Variants in LINGO2 observed in about 807,000 individuals in gnomAD.
LINGO2 encodes leucine-rich repeat and immunoglobulin-like domain-containing nogo receptor-interacting protein 2.
LINGO2 carries 14 observed loss-of-function variants against 30.6 expected under a neutral mutation model. That is an observed-to-expected ratio of 0.46 (90% CI 0.30 to 0.72). The LOEUF is 0.72. Ranked by LOEUF, LINGO2 falls within the 30% of genes least tolerant of loss-of-function variation. The probability of loss-of-function intolerance (pLI) is 0.07; values close to 1 mark genes in which losing one functional copy is unlikely to be tolerated. For missense variants in LINGO2, 729 were observed against 751.7 expected, an observed-to-expected ratio of 0.97 and a Z score of 0.35; for synonymous variants, 317 against 288.5, an observed-to-expected ratio of 1.10 and a Z score of -1.00.
the LINGO2 span, among the ~76,000 whole-genome samples, chr9:28,790,373 G>C: frequency 7.5e-6 from 1 of 133,046 alleles, no homozygotes; most frequent in Non-Finnish European, 1.5e-5. Flanking sequence ...CTGTGGCCCA[G>C]GCTGGAGTGC....
the LINGO2 span, among the ~76,000 whole-genome samples, chr9:28,766,084 A>G: frequency 6.6e-6 from 1 of 152,080 alleles, no homozygotes; most frequent in African/African-American, 2.4e-5. Flanking sequence ...AAAAGCAAAA[A>G]TAAACAAGTG....
the LINGO2 span, among the ~76,000 whole-genome samples, chr9:29,085,277 T>C: frequency 6.3e-5 from 2 of 31,668 alleles, no homozygotes; most frequent in Admixed American, 4.4e-4. Context: ...TAGCCTATGG[T>C]AAGTAAAAAA....
At chr9:28,859,026 T>C in the LINGO2 span, among the ~76,000 whole-genome samples, 1 of 152,072 alleles carries the variant, frequency 6.6e-6, no homozygotes, top group South Asian at 2.1e-4. Context: ...CATTCCTTTA[T>C]CTGTAAAATG....
intron 2 of LINGO2, among the ~76,000 whole-genome samples, chr9:28,415,125 C>A (rs1587639934): frequency 6.6e-6 from 1 of 152,012 alleles, no homozygotes. Flanking sequence ...GCACCAAAAT[C>A]ACTGATAATG....
At chr9:27,990,471 C>T (rs1330626305) in intron 5 of LINGO2, among the ~76,000 whole-genome samples, 1 of 77,800 alleles carries the variant, frequency 1.3e-5, no homozygotes, top group East Asian at 3.6e-4. Context: ...TACCCCCCCC[C>T]CTTTTATTTT....
intron 1 of LINGO2, among the ~76,000 whole-genome samples, chr9:28,593,109 A>C (rs915846551): frequency 6.6e-6 from 1 of 152,100 alleles, no homozygotes; most frequent in South Asian, 2.1e-4. Flanking sequence ...ATTAGACTTC[A>C]GCAAATCAAG....
At chr9:28,488,130 G>C (rs528885655) in intron 1 of LINGO2, among the ~76,000 whole-genome samples, 1 of 152,262 alleles carries the variant, frequency 6.6e-6, no homozygotes, top group South Asian at 2.1e-4. Context: ...CCCCATGGAG[G>C]TGATTTTGAG....
chr9:28,739,494 CA>C, the LINGO2 span, among the ~76,000 whole-genome samples: 1 of 151,626 alleles, frequency 6.6e-6, no homozygotes, highest in Non-Finnish European at 1.5e-5. Context: ...ATTAAAACAT[CA>C]AAACATGTAA....
At chr9:28,299,532 T>C (rs542997811) in intron 3 of LINGO2, among the ~76,000 whole-genome samples, 2 of 152,244 alleles carry the variant, frequency 1.3e-5, no homozygotes, top group African/African-American at 2.4e-5. Flanking sequence ...CTACCACTAA[T>C]ACTTGTAAAT....
At chr9:28,949,013 G>C in the LINGO2 span, among the ~76,000 whole-genome samples, 1 of 152,054 alleles carries the variant, frequency 6.6e-6, no homozygotes, top group East Asian at 1.9e-4. Flanking sequence ...TACAGACTTT[G>C]AACAATGAAA....
At chr9:28,393,050 A>C (rs1409354580) in intron 2 of LINGO2, among the ~76,000 whole-genome samples, 1 of 152,242 alleles carries the variant, frequency 6.6e-6, no homozygotes, top group Non-Finnish European at 1.5e-5. Flanking sequence ...CCCTCAGAAA[A>C]AGTCTCTTAG....
At chr9:28,937,246 TG>T in the LINGO2 span, among the ~76,000 whole-genome samples, 9,597 of 152,204 alleles carry the variant, frequency 0.063, 393 homozygotes, top group Non-Finnish European at 0.096. Context: ...GACTCCAAGA[TG>T]AAAGTGTATC....
chr9:29,040,019 T>C, the LINGO2 span, among the ~76,000 whole-genome samples: 2 of 152,188 alleles, frequency 1.3e-5, no homozygotes, highest in African/African-American at 4.8e-5. Flanking sequence ...TTTGAAACTA[T>C]ATTTTTATAG....
At chr9:27,945,992 T>C (rs1823350757), downstream of LINGO2, among the ~76,000 whole-genome samples, 1 of 152,144 alleles carries the variant, frequency 6.6e-6, no homozygotes, top group African/African-American at 2.4e-5. Context: ...GGAGGCCAAT[T>C]CAAACAGTAA....
intron 1 of LINGO2, among the ~76,000 whole-genome samples, chr9:28,514,905 A>C (rs10738797): frequency 0.72 from 109,205 of 151,744 alleles, 39,578 homozygotes; most frequent in East Asian, 0.86. Context: ...CTTAAGAATT[A>C]TGCTAAATCT....
At chr9:28,910,756 GT>G in the LINGO2 span, among the ~76,000 whole-genome samples, 59 of 151,754 alleles carry the variant, frequency 3.9e-4, no homozygotes, top group Admixed American at 8.6e-4. Flanking sequence ...ACCAATTAAA[GT>G]TTTTTTTCTT....
At chr9:28,701,732 A>C in the LINGO2 span, among the ~76,000 whole-genome samples, 1 of 152,018 alleles carries the variant, frequency 6.6e-6, no homozygotes, top group African/African-American at 2.4e-5. Flanking sequence ...AAGTTGAAAA[A>C]AATGACATCT....
chr9:28,233,030 T>TTATATA (rs1554690875), intron 4 of LINGO2, among the ~76,000 whole-genome samples: 3,325 of 77,538 alleles, frequency 0.043, 115 homozygotes, highest in Non-Finnish European at 0.053. Flanking sequence ...ACAGTAAACA[T>TTATATA]TATATATATA....
At chr9:28,650,645 C>T (rs1201250549) in intron 1 of LINGO2, among the ~76,000 whole-genome samples, 1 of 152,158 alleles carries the variant, frequency 6.6e-6, no homozygotes, top group Non-Finnish European at 1.5e-5. Flanking sequence ...ATTTCTATTT[C>T]ATTGACATTT....
Sources: allele counts gnomAD v4.1 joint callset (sites outside exome capture counted in the v4.1 genomes callset), GRCh38; gene constraint gnomAD v4.1.1; transcripts MANE v1.5; gene names NCBI Gene and HGNC (gene_info 2026-07-23, HGNC 2026-07-21).